UNC119: variants seen among roughly 807,000 people sequenced by gnomAD.
UNC119 encodes the protein protein unc-119 homolog A.
UNC119 carries 15 observed loss-of-function variants against 22.6 expected under a neutral mutation model. The ratio of observed to expected loss-of-function variants is 0.66; its 90% confidence interval spans 0.44 to 1.02. UNC119 has a LOEUF of 1.02. Ranked by LOEUF, UNC119 falls within the 50% of genes least tolerant of loss-of-function variation. The pLI is 0.00. For missense variants in UNC119, 322 were observed against 336.0 expected (o/e 0.96, Z 0.33); for synonymous variants, 138 against 139.4 (o/e 0.99, Z 0.07).
intron 1 of UNC119, chr17:28,548,961 G>A (rs1033914866): frequency 1.8e-5 from 8 of 453,370 alleles, no homozygotes. Flanking sequence ...GGGCAGAGAA[G>A]GGTAGAGGAC....
chr17:28,548,570 A>G (rs753239514), intron 2 of UNC119, 22 bp downstream of exon 2: 21 of 1,604,314 alleles, frequency 1.3e-5, no homozygotes, highest in African/African-American at 1.2e-4. Context: ...CTCCCCATCA[A>G]TGGCCCACCC....
At chr17:28,552,163 A>C in intron 1 of UNC119, 175 bp downstream of exon 1, 1 of 699,518 alleles carries the variant, frequency 1.4e-6, no homozygotes. Flanking sequence ...GGAAGGGGGT[A>C]CACAGAGATC....
In UNC119 at chr17:28,546,861, G is replaced by C. The variant is rs2070208515; in HGVS notation, c.*436C>G. On this transcript the variant is annotated 3_prime_UTR_variant, in exon 5 of 5. Transcript: ENST00000335765. Reference sequence around the variant, plus strand: ...TAGGCCTAGGGCCCAGACTCCCTTGGGTGGCTTGGCAGCTGGAGCCCACCG... The same window carrying C: ...TAGGCCTAGGGCCCAGACTCCCTTGCGTGGCTTGGCAGCTGGAGCCCACCG... The C allele has an allele frequency of 9.5e-6, 3 of 314,924 alleles. No individual in the cohort carries two copies. The Admixed American group carries it at 1.3e-4, about 13-fold the overall frequency. The allele number at this position is 314,924 out of a possible 1,614,324, so 19.5% of individuals were successfully genotyped here.
intron 2 of UNC119, 171 bp from the exon 3 acceptor site, chr17:28,548,272 GT>G: frequency 1.5e-6 from 1 of 673,822 alleles, no homozygotes; most frequent in Non-Finnish European, 2.5e-6. Flanking sequence ...GGGGTTCTAG[GT>G]CTGCATGTTC....
intron 1 of UNC119, chr17:28,550,816 A>G (rs909621336): frequency 1.3e-5 from 2 of 152,238 alleles, no homozygotes; most frequent in African/African-American, 4.8e-5. Context: ...AAATTAGGAG[A>G]CAAATGGTGG....
At position 28,552,597 on chromosome 17, in the gene UNC119, T is replaced by G; in HGVS notation, c.-40A>C. 7 of 1,468,320 alleles carry G rather than the reference T, an allele frequency of 4.8e-6. No individual in the cohort carries two copies. Among genetic ancestry groups the G allele is most frequent in the South Asian group, 1.3e-5 (1 of 77,942 alleles). 91.0% of individuals were successfully genotyped at this position (1,468,320 alleles called of 1,614,324 possible). A position where few individuals can be genotyped will look rare whatever the true frequency, so the allele number is the denominator to read the frequency against. On this transcript the variant is annotated 5_prime_UTR_variant, in exon 1 of 5. Coordinates refer to ENST00000335765, the MANE Select transcript of UNC119 (RefSeq NM_005148.4). ...GAGGCTCGCCTGCTGCTGCCGCCGC[T>G]GCCTGCGCCGGCTGGAGCCGGGGGA...
intron 1 of UNC119, chr17:28,549,065 A>T: frequency 4.9e-6 from 1 of 205,640 alleles, no homozygotes; most frequent in South Asian, 7.5e-5. Flanking sequence ...TGACTTTGGG[A>T]GAATTAGGTA....
Position 28,548,841 on chromosome 17 carries a change from C to T in UNC119, c.221-136G>A, listed in dbSNP as rs1271837082. The T allele has an allele frequency of 5.2e-5, 35 of 679,234 alleles. No homozygotes were observed. The East Asian group carries it at 9.0e-4, about 17-fold the overall frequency. 42.1% of individuals were successfully genotyped at this position (679,234 alleles called of 1,614,324 possible). ...CCCTCTGGAAAGAGGGACCTCAGTC[C>T]CTGCCCTTGGGGTACACCCCCAGTG... is the stretch of plus-strand genomic sequence containing the variant. On this transcript the variant is annotated intron_variant, in intron 1 of 4. Coordinates refer to ENST00000335765, the MANE Select transcript of UNC119 (RefSeq NM_005148.4).
intron 2 of UNC119, among the ~76,000 whole-genome samples, 183 bp downstream of exon 2, chr17:28,548,409 A>G (rs1379001055): frequency 6.6e-6 from 1 of 152,164 alleles, no homozygotes; most frequent in South Asian, 2.1e-4. Flanking sequence ...TGACCTCGCA[A>G]GATGTCCAGC....
intron 1 of UNC119, 82 bp downstream of exon 1, chr17:28,552,256 G>A: frequency 7.5e-7 from 1 of 1,327,936 alleles, no homozygotes; most frequent in East Asian, 2.6e-5. Context: ...GGGGGCGGGG[G>A]CCAGGGCTTG....
rs1482426111 is a variant in UNC119, at chr17:28,552,379, A to G, written c.179T>C (p.Ile60Thr). Residue 60 changes from isoleucine to threonine, a missense_variant, in exon 1 of 5, where the codon ATC becomes ACC. Transcript: ENST00000335765. ...CAGCCCCAGCACGTCCTCCGGCCCGATCGGCTGCTTCCTCTGCAGCGGCCC... is the reference window on the plus strand; with the variant it reads ...CAGCCCCAGCACGTCCTCCGGCCCGGTCGGCTGCTTCCTCTGCAGCGGCCC... ...RPGPLQRKQP[I>T]GPEDVLGLQR... The G allele has an allele frequency of 1.3e-6, 2 of 1,548,614 alleles. No individual in the cohort carries two copies. The highest frequency in any genetic ancestry group is 4.8e-5 in the East Asian group (2 of 41,930).
chr17:28,547,621 A>G lies in UNC119; in HGVS notation c.610+56T>C. The G allele has an allele frequency of 1.9e-6, 3 of 1,613,818 alleles. No individual in the cohort carries two copies. The South Asian group carries it at 3.3e-5, about 18-fold the overall frequency. ...ACCCACAAGTCCCTCTCCCTCCCGC[A>G]GCTCAGTCTCTAGACGCCCCCACTT... On this transcript the variant is annotated intron_variant, in intron 4 of 4. Transcript: ENST00000335765.
chr17:28,548,485 T>C, intron 2 of UNC119, 107 bp downstream of exon 2: 1 of 930,518 alleles, frequency 1.1e-6, no homozygotes, highest in Admixed American at 2.0e-5. Context: ...AATGCTGGGG[T>C]CCAAGCCCCA....
chr17:28,551,148 T>A (rs1035878592), intron 1 of UNC119: 28 of 151,930 alleles, frequency 1.8e-4, no homozygotes, highest in Non-Finnish European at 7.3e-5. Context: ...TGTCTGGGAG[T>A]CCGGTGTTCT....
At position 28,547,082 on chromosome 17, in the gene UNC119, C is replaced by T. The variant is rs895277908; in HGVS notation, c.*215G>A. On this transcript the variant is annotated 3_prime_UTR_variant, in exon 5 of 5. Transcript: ENST00000335765. The stretch of plus-strand genomic sequence containing the variant: ...AGGCCTTCCTAGACGTGGAGGCAAA[C>T]AGCCTCCCTACGACCCCACCCCATG... 12 of 568,472 alleles carry T rather than the reference C, an allele frequency of 2.1e-5. No homozygotes were observed. The highest frequency in any genetic ancestry group is 1.7e-4 in the African/African-American group (9 of 53,338). The allele number at this position is 568,472 out of a possible 1,614,324, so 35.2% of individuals were successfully genotyped here.
intron 1 of UNC119, 190 bp downstream of exon 1, chr17:28,552,148 T>A: frequency 2.8e-6 from 2 of 705,258 alleles, no homozygotes; most frequent in Non-Finnish European, 5.2e-6. Context: ...CAGAGAGAGA[T>A]CAAGGGAAGG....
At chr17:28,548,406 G>A (rs937725204) in intron 2 of UNC119, among the ~76,000 whole-genome samples, 186 bp downstream of exon 2, 2 of 152,156 alleles carry the variant, frequency 1.3e-5, no homozygotes, top group African/African-American at 4.8e-5. Flanking sequence ...GGCTGACCTC[G>A]CAAGATGTCC....
chr17:28,547,638 C>G (rs367959553), intron 4 of UNC119, 39 bp downstream of exon 4: 2 of 1,613,996 alleles, frequency 1.2e-6, no homozygotes, highest in African/African-American at 1.3e-5. Flanking sequence ...TCTCTAGACG[C>G]CCCCACTTCC....
chr17:28,548,374 T>C (rs570468065), intron 2 of UNC119, among the ~76,000 whole-genome samples: 1 of 152,218 alleles, frequency 6.6e-6, no homozygotes, highest in Admixed American at 6.5e-5. Flanking sequence ...AGAGGGCAGG[T>C]TGGCAGGGAC....
Sources: allele counts gnomAD v4.1 joint callset (sites outside exome capture counted in the v4.1 genomes callset), GRCh38; gene constraint gnomAD v4.1.1; transcripts MANE v1.5; gene names NCBI Gene and HGNC (gene_info 2026-07-23, HGNC 2026-07-21).